PTPRM: variants seen among roughly 807,000 people sequenced by gnomAD.
PTPRM encodes the protein receptor-type tyrosine-protein phosphatase mu.
A neutral mutation model predicts 186.7 loss-of-function variants in PTPRM; 47 were observed. That is an observed-to-expected ratio of 0.25 (90% CI 0.20 to 0.32). The LOEUF (loss-of-function observed/expected upper bound fraction) is 0.32. Ranked by LOEUF, PTPRM falls within the 10% of genes least tolerant of loss-of-function variation. The pLI, the probability that PTPRM is intolerant of heterozygous loss-of-function variation, is 1.00. For synonymous variants in PTPRM, 668 were observed against 674.9 expected (o/e 0.99, Z 0.16); for missense variants, 1,494 against 1,865.0 (o/e 0.80, Z 3.66).
At chr18:8,121,933 G>T (rs1298160165) in intron 13 of PTPRM, 3 of 152,104 alleles carry the variant, frequency 2.0e-5, no homozygotes, top group Non-Finnish European at 4.4e-5. Flanking sequence ...TATTTAGGAT[G>T]AATGTTTTTG....
intron 22 of PTPRM, among the ~76,000 whole-genome samples, chr18:8,329,577 T>C (rs543734427): frequency 6.6e-6 from 1 of 152,334 alleles, no homozygotes; most frequent in South Asian, 2.1e-4. Flanking sequence ...TCTGGCAACA[T>C]GAGTCCTTGC....
At chr18:8,215,898 G>A (rs1433623772) in intron 14 of PTPRM, among the ~76,000 whole-genome samples, 1 of 152,114 alleles carries the variant, frequency 6.6e-6, no homozygotes, top group Non-Finnish European at 1.5e-5. Context: ...TGCTTTGAAT[G>A]AAAGAAGGCT....
At chr18:8,328,290 T>C (rs1483244226) in intron 22 of PTPRM, among the ~76,000 whole-genome samples, 3 of 152,248 alleles carry the variant, frequency 2.0e-5, no homozygotes, top group Non-Finnish European at 4.4e-5. Flanking sequence ...GTGTAACTTC[T>C]GCACACTCTG....
At chr18:8,376,897 T>G in intron 26 of PTPRM, 1 of 280,060 alleles carries the variant, frequency 3.6e-6, no homozygotes, top group Non-Finnish European at 6.7e-6. Flanking sequence ...CAATACCATT[T>G]CCTTTTATTA....
At chr18:7,985,486 C>T (rs2082902226) in intron 7 of PTPRM, among the ~76,000 whole-genome samples, 2 of 144,306 alleles carry the variant, frequency 1.4e-5, no homozygotes, top group African/African-American at 5.0e-5. Context: ...TATACATATA[C>T]TGGTAGATAC....
Position 8,072,781 on chromosome 18 carries a change from A to C in PTPRM, c.1441+2787A>C, listed in dbSNP as rs1942955. On this transcript the variant is annotated intron_variant, in intron 8 of 32. Coordinates refer to ENST00000580170, the MANE Select transcript of PTPRM (RefSeq NM_001105244.2). ...ATACAGCCCAGGGATAAGTTGTACAAACTTAGGTATTATGGCTTTATATCC... is the reference window on the plus strand; with the variant it reads ...ATACAGCCCAGGGATAAGTTGTACACACTTAGGTATTATGGCTTTATATCC... Among the ~76,000 whole-genome samples the C allele has an allele frequency of 1.2e-3, 186 of 152,298 alleles. 4 individuals carry two copies. The East Asian group carries it at 0.023, about 19-fold the overall frequency.
chr18:7,976,143 G>A (rs932404489), intron 7 of PTPRM, among the ~76,000 whole-genome samples: 1 of 151,926 alleles, frequency 6.6e-6, no homozygotes. Context: ...CATTCCAGCC[G>A]GGAGACAGAG....
At chr18:7,600,834 C>G (rs2037382981) in intron 1 of PTPRM, among the ~76,000 whole-genome samples, 1 of 152,216 alleles carries the variant, frequency 6.6e-6, no homozygotes, top group Non-Finnish European at 1.5e-5. Flanking sequence ...CCCCTCAGTT[C>G]CCCTCTGCTG....
intron 22 of PTPRM, among the ~76,000 whole-genome samples, chr18:8,323,640 G>A (rs1251968872): frequency 6.6e-6 from 1 of 152,044 alleles, no homozygotes; most frequent in East Asian, 1.9e-4. Context: ...TCCGAACTTA[G>A]CCTTCATCTT....
At chr18:8,046,492 T>C (rs1017678804) in intron 7 of PTPRM, among the ~76,000 whole-genome samples, 3 of 152,242 alleles carry the variant, frequency 2.0e-5, no homozygotes, top group East Asian at 3.9e-4. Context: ...GTATCCATCC[T>C]GTGTCAGCAC....
intron 1 of PTPRM, among the ~76,000 whole-genome samples, chr18:7,665,838 C>G (rs2039082783): frequency 6.6e-6 from 1 of 152,038 alleles, no homozygotes; most frequent in African/African-American, 2.4e-5. Flanking sequence ...AGGAGAATCG[C>G]TTGAACCCGG....
At chr18:8,039,003 A>G (rs1316987824) in intron 7 of PTPRM, among the ~76,000 whole-genome samples, 1 of 152,112 alleles carries the variant, frequency 6.6e-6, no homozygotes, top group Non-Finnish European at 1.5e-5. Flanking sequence ...CCAGAATTAT[A>G]TTAGAGAAAA....
chr18:7,914,381 C>T (rs1472171883), intron 4 of PTPRM, among the ~76,000 whole-genome samples: 5 of 152,078 alleles, frequency 3.3e-5, no homozygotes, highest in Non-Finnish European at 7.4e-5. Flanking sequence ...TCATTAAAGC[C>T]TATTCTTACC....
chr18:7,616,726 T>C (rs543068398), intron 1 of PTPRM, among the ~76,000 whole-genome samples: 2 of 152,304 alleles, frequency 1.3e-5, no homozygotes, highest in South Asian at 4.1e-4. Flanking sequence ...AGCCAGTTTG[T>C]GCTGGTGAGG....
rs60714665 is a variant in PTPRM, at chr18:8,289,473, CAT to C, written c.2755-6892_2755-6891del. On this transcript the variant is annotated intron_variant, in intron 19 of 32. Transcript: ENST00000580170. ...ATATGTATATACATATATATACACA[CAT>C]ATGTATATATATACATATATGTATA... Among the ~76,000 whole-genome samples, 6 of 112,604 alleles carry C rather than the reference CAT, an allele frequency of 5.3e-5. No individual in the cohort carries two copies. The East Asian group carries it at 6.9e-4, about 13-fold the overall frequency. 73.9% of individuals were successfully genotyped at this position (112,604 alleles called of 152,430 possible).
intron 7 of PTPRM, among the ~76,000 whole-genome samples, chr18:8,020,383 G>A (rs2085136771): frequency 6.6e-6 from 1 of 152,136 alleles, no homozygotes; most frequent in Non-Finnish European, 1.5e-5. Context: ...TCTACACTGT[G>A]TCTGAAGGAT....
In PTPRM at chr18:7,842,837, T is replaced by TAGAG. The variant is rs1446114909; in HGVS notation, c.197-45268_197-45267insGAGA. Among the ~76,000 whole-genome samples, 34 of 79,148 alleles carry TAGAG rather than the reference T, an allele frequency of 4.3e-4. No individual in the cohort carries two copies. The East Asian group carries it at 0.011, about 26-fold the overall frequency. 51.9% of individuals were successfully genotyped at this position (79,148 alleles called of 152,430 possible). ...GTGTGTATATATATATGTATATATATATATAGAGAGAGAGAGAGAGAAACA... is the reference window on the plus strand; with the variant it reads ...GTGTGTATATATATATGTATATATATAGAGATATAGAGAGAGAGAGAGAGAAACA... On this transcript the variant is annotated intron_variant, in intron 2 of 32. Transcript: ENST00000580170.
intron 9 of PTPRM, among the ~76,000 whole-genome samples, chr18:8,082,842 C>T (rs1600461211): frequency 2.0e-5 from 3 of 152,040 alleles, no homozygotes; most frequent in East Asian, 3.9e-4. Flanking sequence ...CTGCCGTGGG[C>T]ATTTCCAACT....
intron 19 of PTPRM, among the ~76,000 whole-genome samples, chr18:8,294,934 A>C (rs2095079944): frequency 6.6e-6 from 1 of 152,228 alleles, no homozygotes; most frequent in Non-Finnish European, 1.5e-5. Context: ...TTCTCCAGCC[A>C]GTCTCTGATG....
Sources: allele counts gnomAD v4.1 joint callset (sites outside exome capture counted in the v4.1 genomes callset), GRCh38; gene constraint gnomAD v4.1.1; transcripts MANE v1.5; gene names NCBI Gene and HGNC (gene_info 2026-07-23, HGNC 2026-07-21).